CNTN4: variants seen among roughly 807,000 people sequenced by gnomAD.
CNTN4 encodes contactin-4.
A neutral mutation model predicts 122.5 loss-of-function variants in CNTN4; 77 were observed. That is an observed-to-expected ratio of 0.63 (90% confidence interval 0.52 to 0.76). The LOEUF is 0.76. Ranked by LOEUF, CNTN4 falls within the 30% of genes least tolerant of loss-of-function variation. The pLI, the probability that CNTN4 is intolerant of heterozygous loss-of-function variation, is 0.00. For synonymous variants in CNTN4, 512 were observed against 447.0 expected, an observed-to-expected ratio of 1.15 and a Z score of -1.83; for missense variants, 1,256 against 1,259.1, an observed-to-expected ratio of 1.00 and a Z score of 0.04.
intron 7 of CNTN4, among the ~76,000 whole-genome samples, chr3:2,822,580 G>C (rs2092900534): frequency 6.6e-6 from 1 of 152,110 alleles, no homozygotes; most frequent in South Asian, 2.1e-4. Context: ...TCTTCTGCAG[G>C]CTACCTTCAT....
intron 2 of CNTN4, among the ~76,000 whole-genome samples, chr3:2,302,420 T>C (rs1401055955): frequency 1.3e-5 from 2 of 152,200 alleles, no homozygotes; most frequent in Non-Finnish European, 2.9e-5. Context: ...AGAGCGAGAC[T>C]CCATCTCAAA....
intron 10 of CNTN4, among the ~76,000 whole-genome samples, chr3:2,893,532 T>A (rs182444056): frequency 7.1e-4 from 108 of 152,340 alleles, no homozygotes; most frequent in Middle Eastern, 3.4e-3. Context: ...CTTTCTTTCA[T>A]CTGATAGTTC....
chr3:2,185,227 T>C (rs563277848), intron 2 of CNTN4, among the ~76,000 whole-genome samples: 1 of 152,296 alleles, frequency 6.6e-6, no homozygotes, highest in Non-Finnish European at 1.5e-5. Flanking sequence ...ATTCTCTGAA[T>C]TTAGTTTTCT....
intron 4 of CNTN4, among the ~76,000 whole-genome samples, chr3:2,574,296 A>G (rs528186595): frequency 6.6e-6 from 1 of 152,222 alleles, no homozygotes; most frequent in Non-Finnish European, 1.5e-5. Flanking sequence ...TTTTCTATAC[A>G]TCTTCAGGCT....
chr3:2,340,717 A>AGAGAGAGAGAGAGAGGGG (rs1575414307), intron 3 of CNTN4, among the ~76,000 whole-genome samples: 15 of 132,516 alleles, frequency 1.1e-4, no homozygotes, highest in African/African-American at 1.9e-4. Context: ...ATATAGAGAG[A>AGAGAGAGAGAGAGAGGGG]GAGAGAGAGA....
chr3:2,843,361 C>A (rs2093397769), intron 7 of CNTN4, among the ~76,000 whole-genome samples: 1 of 152,146 alleles, frequency 6.6e-6, no homozygotes, highest in African/African-American at 2.4e-5. Flanking sequence ...CCATTGCAAC[C>A]CCAGTCCAAA....
Position 2,689,396 on chromosome 3 carries a change from C to T in CNTN4, c.56-46819C>T, listed in dbSNP as rs373269811. On this transcript the variant is annotated intron_variant, in intron 4 of 24. Coordinates refer to ENST00000418658, the MANE Select transcript of CNTN4 (RefSeq NM_175607.3). ...GCACCTCCCTAGGCACATCATGGAG[C>T]AAGCCTATGGTAGAGGGAGCATTTT... Among the ~76,000 whole-genome samples the T allele has an allele frequency of 1.2e-4, 19 of 152,280 alleles. No individual in the cohort carries two copies. The South Asian group carries it at 2.1e-3, about 17-fold the overall frequency.
At chr3:2,769,552 T>G (rs1385367393) in intron 6 of CNTN4, among the ~76,000 whole-genome samples, 3 of 152,166 alleles carry the variant, frequency 2.0e-5, no homozygotes, top group African/African-American at 7.2e-5. Context: ...TTCTGTAATT[T>G]TTCACGTTGA....
chr3:2,427,070 C>T (rs2047867257), intron 3 of CNTN4, among the ~76,000 whole-genome samples: 1 of 152,132 alleles, frequency 6.6e-6, no homozygotes, highest in African/African-American at 2.4e-5. Flanking sequence ...TCTCTATCTC[C>T]TTCAGTTCTA....
At chr3:2,400,447 A>C (rs895728701) in intron 3 of CNTN4, among the ~76,000 whole-genome samples, 1 of 136,818 alleles carries the variant, frequency 7.3e-6, no homozygotes, top group African/African-American at 2.6e-5. Flanking sequence ...ATATATATAT[A>C]TATCTCTTTT....
At chr3:2,331,310 G>T (rs1273663347) in intron 2 of CNTN4, among the ~76,000 whole-genome samples, 1 of 152,118 alleles carries the variant, frequency 6.6e-6, no homozygotes, top group African/African-American at 2.4e-5. Context: ...ATACTGCATT[G>T]TAGAAGTAGG....
At chr3:2,953,260 C>T (rs2094764465) in intron 13 of CNTN4, among the ~76,000 whole-genome samples, 1 of 152,126 alleles carries the variant, frequency 6.6e-6, no homozygotes, top group Non-Finnish European at 1.5e-5. Flanking sequence ...GGTAGCCTTT[C>T]CTTCCAACTG....
At chr3:2,678,083 G>C (rs2600279) in intron 4 of CNTN4, among the ~76,000 whole-genome samples, 71,920 of 151,834 alleles carry the variant, frequency 0.47, 17,735 homozygotes, top group African/African-American at 0.6. Flanking sequence ...AGGAAAAAAA[G>C]GGGGTACATT....
intron 3 of CNTN4, among the ~76,000 whole-genome samples, chr3:2,380,448 A>G (rs2150756795): frequency 6.6e-6 from 1 of 151,996 alleles, no homozygotes; most frequent in Non-Finnish European, 1.5e-5. Flanking sequence ...TTTTACCTTT[A>G]TATAGCTATG....
chr3:2,575,782 A>G (rs761547278), intron 4 of CNTN4, among the ~76,000 whole-genome samples: 1 of 149,548 alleles, frequency 6.7e-6, no homozygotes, highest in Non-Finnish European at 1.5e-5. Context: ...ATATCTGAAT[A>G]ATGATATATT....
intron 10 of CNTN4, among the ~76,000 whole-genome samples, chr3:2,895,725 G>C (rs1398687363): frequency 6.6e-6 from 1 of 152,226 alleles, no homozygotes; most frequent in Admixed American, 6.5e-5. Flanking sequence ...AAAGGCTAAA[G>C]GTTTCACTTA....
chr3:2,583,530 G>A (rs988105382), intron 4 of CNTN4, among the ~76,000 whole-genome samples: 1 of 152,200 alleles, frequency 6.6e-6, no homozygotes, highest in Admixed American at 6.5e-5. Flanking sequence ...TTTATTAAGA[G>A]TGTTTTAGTA....
chr3:2,792,030 C>G (rs780114046), intron 6 of CNTN4, among the ~76,000 whole-genome samples: 4 of 152,170 alleles, frequency 2.6e-5, no homozygotes, highest in Non-Finnish European at 5.9e-5. Context: ...CCGTGGCACA[C>G]ATTTACCTGT....
chr3:2,481,033 T>TTTTCTTTCTTTCATTCTTTC, intron 3 of CNTN4, among the ~76,000 whole-genome samples: 1 of 119,988 alleles, frequency 8.3e-6, no homozygotes, highest in East Asian at 2.2e-4. Flanking sequence ...TTTCTTTTTC[T>TTTTCTTTCTTTCATTCTTTC]TTTCTTTCTT....
Sources: gnomAD v4.1 joint callset for allele counts (sites outside exome capture counted in the v4.1 genomes callset) on GRCh38, gnomAD v4.1.1 for gene constraint, MANE v1.5 for transcripts, NCBI Gene and HGNC (gene_info 2026-07-23, HGNC 2026-07-21) for gene names.